NFIA: variants seen among roughly 807,000 people sequenced by gnomAD.
The protein encoded by NFIA is nuclear factor 1 A-type.
In NFIA, 8 loss-of-function variants were observed where a neutral mutation model predicts 62.8. The ratio of observed to expected loss-of-function variants is 0.13; its 90% confidence interval spans 0.07 to 0.23. The LOEUF is 0.23. Ranked by LOEUF, NFIA falls within the 10% of genes least tolerant of loss-of-function variation. NFIA has a pLI of 1.00. For missense variants in NFIA, 410 were observed against 642.1 expected, an observed-to-expected ratio of 0.64 and a Z score of 3.91; for synonymous variants, 235 against 238.1, an observed-to-expected ratio of 0.99 and a Z score of 0.12.
intron 2 of NFIA, among the ~76,000 whole-genome samples, chr1:61,197,078 T>C (rs78244382): frequency 0.02 from 3,031 of 152,220 alleles, 93 homozygotes; most frequent in African/African-American, 0.055. Context: ...ATTTGGCTGA[T>C]GTGATAGCAG....
chr1:61,268,463 C>A (rs1416626586), intron 2 of NFIA, among the ~76,000 whole-genome samples: 5 of 151,948 alleles, frequency 3.3e-5, no homozygotes, highest in Admixed American at 2.6e-4. Flanking sequence ...TTATTCTCAC[C>A]AGGAAGGGAT....
chr1:61,213,747 C>T (rs1409003123), intron 2 of NFIA, among the ~76,000 whole-genome samples: 3 of 152,252 alleles, frequency 2.0e-5, no homozygotes, highest in South Asian at 4.1e-4. Context: ...AACAACCTTG[C>T]GATCCGATGG....
intron 3 of NFIA, among the ~76,000 whole-genome samples, chr1:61,278,305 C>T (rs1464878430): frequency 6.6e-6 from 1 of 152,126 alleles, no homozygotes; most frequent in East Asian, 1.9e-4. Context: ...ATAAAACTAT[C>T]GGTTTCAATA....
At chr1:61,184,365 C>T (rs1570334095) in intron 2 of NFIA, among the ~76,000 whole-genome samples, 1 of 152,224 alleles carries the variant, frequency 6.6e-6, no homozygotes, top group African/African-American at 2.4e-5. Flanking sequence ...CAGCCATTTC[C>T]TTGTTTCTAA....
intron 2 of NFIA, among the ~76,000 whole-genome samples, chr1:61,139,904 T>C (rs1429216998): frequency 7.2e-6 from 1 of 138,420 alleles, no homozygotes; most frequent in Non-Finnish European, 1.5e-5. Flanking sequence ...AAAAAAAAAG[T>C]TGGTATCTGC....
chr1:61,168,198 A>G (rs947791220), intron 2 of NFIA, among the ~76,000 whole-genome samples: 1 of 152,166 alleles, frequency 6.6e-6, no homozygotes. Context: ...AGATATAGAA[A>G]AGCAAAGCCC....
chr1:61,454,834 T>C (rs1668229380), intron 10 of NFIA, among the ~76,000 whole-genome samples: 1 of 152,166 alleles, frequency 6.6e-6, no homozygotes, highest in African/African-American at 2.4e-5. Flanking sequence ...AAAGGAGATG[T>C]TGAAAATCAT....
Position 61,406,543 on chromosome 1 carries a change from G to GGGGGCCCCCCCC in NFIA, c.1255-19_1255-18insGGGGCCCCCCCC. The stretch of plus-strand genomic sequence containing the variant: ...TCTTTTTCTTGTACGTGTGTTTTCT[G>GGGGGCCCCCCCC]CCCCCCCCCCCCCCACAGCCCAATG... On this transcript the variant is annotated intron_variant, in intron 8 of 10. Coordinates refer to ENST00000403491, the MANE Select transcript of NFIA (RefSeq NM_001134673.4). 1 of 876,654 alleles carries GGGGGCCCCCCCC rather than the reference G, an allele frequency of 1.1e-6. No homozygotes were observed. Among genetic ancestry groups the GGGGGCCCCCCCC allele is most frequent in the Non-Finnish European group, 1.5e-6 (1 of 653,744 alleles). The allele number at this position is 876,654 out of a possible 1,614,324, so 54.3% of individuals were successfully genotyped here.
chr1:61,216,682 ACTGT>A (rs1307213206), intron 2 of NFIA, among the ~76,000 whole-genome samples: 6 of 152,202 alleles, frequency 3.9e-5, no homozygotes, highest in Non-Finnish European at 7.3e-5. Context: ...ATTTTGTTTA[ACTGT>A]CTGTGTATGT....
intron 3 of NFIA, among the ~76,000 whole-genome samples, chr1:61,327,031 A>AT (rs1429470525): frequency 8.5e-5 from 9 of 106,410 alleles, no homozygotes; most frequent in South Asian, 3.6e-4. Flanking sequence ...TTTAAAAGAA[A>AT]AAAAAATATA....
At chr1:61,360,847 A>C (rs1006050682) in intron 6 of NFIA, among the ~76,000 whole-genome samples, 22 of 152,350 alleles carry the variant, frequency 1.4e-4, no homozygotes, top group Non-Finnish European at 2.8e-4. Context: ...CCTCAGGCCC[A>C]TTGGCGGTGT....
intron 2 of NFIA, among the ~76,000 whole-genome samples, chr1:61,096,469 G>T (rs977939175): frequency 7.9e-5 from 12 of 151,384 alleles, no homozygotes; most frequent in African/African-American, 2.7e-4. Flanking sequence ...CTGCCAAAGT[G>T]CTGGGATTAC....
At chr1:61,347,564 A>G (rs1271982155) in intron 4 of NFIA, among the ~76,000 whole-genome samples, 2 of 152,166 alleles carry the variant, frequency 1.3e-5, no homozygotes, top group Admixed American at 6.5e-5. Context: ...AATCTGAACT[A>G]TCCTCGAAGG....
chr1:61,250,930 C>T (rs188176291), intron 2 of NFIA: 10 of 152,314 alleles, frequency 6.6e-5, no homozygotes, highest in Admixed American at 6.5e-4. Flanking sequence ...CCATAAACTG[C>T]ATACATCTCT....
chr1:61,396,240 TTTTG>T (rs1281309557), intron 7 of NFIA, among the ~76,000 whole-genome samples: 2 of 152,306 alleles, frequency 1.3e-5, no homozygotes, highest in Admixed American at 1.3e-4. Context: ...GTTACTGTTT[TTTTG>T]TTTGTTGGTT....
intron 2 of NFIA, among the ~76,000 whole-genome samples, chr1:61,158,472 T>C (rs1022653721): frequency 2.0e-5 from 3 of 152,202 alleles, no homozygotes; most frequent in Non-Finnish European, 2.9e-5. Context: ...GTGTTTGTAT[T>C]TATATTTACT....
In NFIA at chr1:61,151,396, T is replaced by TC. The variant is rs397760003; in HGVS notation, c.559+62717dup. On this transcript the variant is annotated intron_variant, in intron 2 of 10. Transcript: ENST00000403491. ...GGCTAATACAGCTTTTTTTTTTTTT[T>TC]CTTAATTTTATCATAGGTAAGGGAA... Among the ~76,000 whole-genome samples, 582 of 151,222 alleles carry TC rather than the reference T, an allele frequency of 3.8e-3. 3 individuals are homozygous for TC. Among genetic ancestry groups the TC allele is most frequent in the Non-Finnish European group, 5.8e-3 (396 of 67,740 alleles).
At chr1:61,450,252 C>G (rs999407267) in intron 10 of NFIA, among the ~76,000 whole-genome samples, 34 of 152,130 alleles carry the variant, frequency 2.2e-4, no homozygotes, top group Admixed American at 2.1e-3. Context: ...AATAAATGCT[C>G]CCAAATGGTT....
chr1:61,320,433 G>T (rs1225808792), intron 3 of NFIA, among the ~76,000 whole-genome samples: 2 of 152,132 alleles, frequency 1.3e-5, no homozygotes, highest in East Asian at 1.9e-4. Context: ...CACAAAAAAT[G>T]ACTTTTGAAA....
Sources: gnomAD v4.1 joint callset for allele counts (sites outside exome capture counted in the v4.1 genomes callset) on GRCh38, gnomAD v4.1.1 for gene constraint, MANE v1.5 for transcripts, NCBI Gene and HGNC (gene_info 2026-07-23, HGNC 2026-07-21) for gene names.